TMPO: variants seen among roughly 807,000 people sequenced by gnomAD.
TMPO encodes LEM domain containing 4.
Under a neutral mutation model 45.4 loss-of-function variants are expected in TMPO, and 22 were observed. The observed-to-expected ratio is 0.48, with a 90% confidence interval of 0.35 to 0.69. The LOEUF is 0.69. Among genes scored for constraint, TMPO ranks in the 30% least tolerant of loss-of-function variants. The pLI is 0.01. For synonymous variants in TMPO, 241 were observed against 204.1 expected (o/e 1.18, Z -1.54); for missense variants, 512 against 548.8 (o/e 0.93, Z 0.67).
rs1433231755 is a variant in TMPO, at chr12:98,548,758, G to A, written c.*900G>A. The stretch of plus-strand genomic sequence containing the variant: ...TTTCATTTGGATTCATTATTGCATT[G>A]TCTTGTTACCAGAAACAAATTTTGC... On this transcript the variant is annotated 3_prime_UTR_variant, in exon 9 of 9. Transcript: ENST00000556029. 1 of 152,144 alleles carries A rather than the reference G, an allele frequency of 6.6e-6. No individual in the cohort carries two copies. Among genetic ancestry groups the A allele is most frequent in the Admixed American group, 6.5e-5 (1 of 15,268 alleles). The allele number at this position is 152,144 out of a possible 1,614,324, so 9.4% of individuals were successfully genotyped here.
chr12:98,529,847 C>G (rs976563532), intron 2 of TMPO, among the ~76,000 whole-genome samples: 7 of 152,186 alleles, frequency 4.6e-5, no homozygotes, highest in African/African-American at 7.2e-5. Context: ...GCATGAGTCA[C>G]TGCATCTGGT....
intron 1 of TMPO, among the ~76,000 whole-genome samples, chr12:98,521,131 G>T (rs1465851350): frequency 1.4e-4 from 8 of 57,996 alleles, no homozygotes; most frequent in African/African-American, 5.3e-4. Context: ...TTTTTGAGAC[G>T]GAGTGTCGCT....
chr12:98,544,512 T>C lies in TMPO; in HGVS notation c.854T>C (p.Ile285Thr). ...GAGAGTACTCCCATAGCTGAAACTA[T>C]AATGGCTTCAAGCAACGAATCCTTA... ...ISESTPIAET[I>T]MASSNESLVV... is the part of the protein sequence containing the mutation. The change falls in exon 6 of 9, where the codon ATA (isoleucine) becomes ACA (threonine). Residue 285 changes from isoleucine to threonine, a missense_variant. By Grantham distance (89) the Ile-to-Thr change is moderately conservative. Around this residue, in one of 3 missense-constraint regions of TMPO, gnomAD observed 209 missense variants for 235.1 expected, o/e 0.89. Coordinates refer to ENST00000556029, the MANE Select transcript of TMPO (RefSeq NM_001032283.3). 3 of 1,613,550 alleles carry C rather than the reference T, an allele frequency of 1.9e-6. No homozygotes were observed. The highest frequency in any genetic ancestry group is 2.5e-6 in the Non-Finnish European group (3 of 1,179,576).
chr12:98,538,068 G>C (rs1175726317), intron 4 of TMPO, among the ~76,000 whole-genome samples: 2 of 152,178 alleles, frequency 1.3e-5, no homozygotes, highest in Non-Finnish European at 2.9e-5. Flanking sequence ...TATTGTGGGA[G>C]AGGCGTTTCA....
intron 1 of TMPO, among the ~76,000 whole-genome samples, chr12:98,519,734 A>G (rs1461395219): frequency 4.6e-5 from 7 of 152,212 alleles, no homozygotes; most frequent in Admixed American, 3.3e-4. Context: ...TCTGTTTTAA[A>G]GTACGTTAAG....
rs11437786 is a variant in TMPO at position 98,518,470 on chromosome 12, C to CTTTTTTTTTTTTT, written c.279+2336_279+2348dup. Among the ~76,000 whole-genome samples, 53 of 83,510 alleles carry CTTTTTTTTTTTTT rather than the reference C, an allele frequency of 6.3e-4. 1 individual carries two copies. Among genetic ancestry groups the CTTTTTTTTTTTTT allele is most frequent in the Non-Finnish European group, 8.1e-4 (37 of 45,478 alleles). The allele number at this position is 83,510 out of a possible 152,430, so 54.8% of individuals were successfully genotyped here. On this transcript the variant is annotated intron_variant, in intron 1 of 8. Transcript: ENST00000556029. ...CGCTACACCCGGCTAATTTTCTAAT[C>CTTTTTTTTTTTTT]TTTTTTTTTTTTTTTTTTTTTTTTG...
chr12:98,520,020 C>T (rs1876213331), intron 1 of TMPO, among the ~76,000 whole-genome samples: 2 of 151,546 alleles, frequency 1.3e-5, no homozygotes, highest in South Asian at 4.2e-4. Context: ...AGTGCAGTGG[C>T]GTGATGTCAG....
At chr12:98,525,931 T>C (rs1462505688) in intron 1 of TMPO, among the ~76,000 whole-genome samples, 1 of 152,184 alleles carries the variant, frequency 6.6e-6, no homozygotes, top group African/African-American at 2.4e-5. Context: ...GATGTTGCCA[T>C]TGTTTAATTA....
rs1164412331 is a variant in TMPO at position 98,549,480 on chromosome 12, A to T, written c.*1622A>T. 1 of 150,960 alleles carries T rather than the reference A, an allele frequency of 6.6e-6. No homozygotes were observed. Among genetic ancestry groups the T allele is most frequent in the Non-Finnish European group, 1.5e-5 (1 of 67,738 alleles). 9.4% of individuals were successfully genotyped at this position (150,960 alleles called of 1,614,324 possible). Reference sequence around the variant, plus strand: ...CCCGGCCGGCATTATGATTTTGTGTACTCTTGAAATGGTTATCTTTGTGGA... The same window carrying T: ...CCCGGCCGGCATTATGATTTTGTGTTCTCTTGAAATGGTTATCTTTGTGGA... On this transcript the variant is annotated 3_prime_UTR_variant, in exon 9 of 9. Coordinates refer to ENST00000556029, the MANE Select transcript of TMPO (RefSeq NM_001032283.3).
rs190672044 is a variant in TMPO, at chr12:98,539,812, G to A, written c.663+2240G>A. 2.1e-4 allele frequency among the ~76,000 whole-genome samples: 32 copies of A among 152,102 alleles called. 1 individual carries two copies. Among genetic ancestry groups the A allele is most frequent in the African/African-American group, 6.7e-4 (28 of 41,502 alleles). On this transcript the variant is annotated intron_variant, in intron 4 of 8. Transcript: ENST00000556029. ...GATTTTTTTTATTTTGCTTTTTCCTGGAGTATATTAAAGCAGTCTTTGACA... is the reference window on the plus strand; with the variant it reads ...GATTTTTTTTATTTTGCTTTTTCCTAGAGTATATTAAAGCAGTCTTTGACA...
At position 98,533,003 on chromosome 12, in the gene TMPO, G is replaced by T; in HGVS notation, c.565+1165G>T. The T allele has an allele frequency of 1.2e-6, 2 of 1,614,024 alleles. No individual in the cohort carries two copies. The highest frequency in any genetic ancestry group is 2.2e-5 in the South Asian group (2 of 91,084). Reference sequence around the variant, plus strand: ...GCTAAGAAAGTACATACTTCTAAGGGAGACCTACCTAGGGAGCCTCTTGTT... The same window carrying T: ...GCTAAGAAAGTACATACTTCTAAGGTAGACCTACCTAGGGAGCCTCTTGTT... On this transcript the variant is annotated intron_variant, in intron 3 of 8. Coordinates refer to ENST00000556029, the MANE Select transcript of TMPO (RefSeq NM_001032283.3).
chr12:98,543,029 C>T (rs1176779965), intron 4 of TMPO, among the ~76,000 whole-genome samples: 9 of 151,994 alleles, frequency 5.9e-5, no homozygotes, highest in Admixed American at 5.9e-4. Flanking sequence ...ATATCAATTC[C>T]AAATATAGAT....
rs144035513 is a variant in TMPO, at chr12:98,535,765, T to C, written c.566-1710T>C. On this transcript the variant is annotated intron_variant, in intron 3 of 8. Transcript: ENST00000556029. The stretch of plus-strand genomic sequence containing the variant: ...TCACTTTGACATTTCAGTGGTATAA[T>C]TGAAAATATTCTGATTATGGTATGG... The C allele has an allele frequency of 2.7e-4, 172 of 640,096 alleles. No homozygotes were observed. In the African/African-American group the frequency reaches 3.3e-3, roughly 12 times the overall value. The allele number at this position is 640,096 out of a possible 1,614,324, so 39.7% of individuals were successfully genotyped here. A position where few individuals can be genotyped will look rare whatever the true frequency, so the allele number is the denominator to read the frequency against.
At chr12:98,542,851 C>G (rs1365092330) in intron 4 of TMPO, among the ~76,000 whole-genome samples, 1 of 148,716 alleles carries the variant, frequency 6.7e-6, no homozygotes, top group East Asian at 1.9e-4. Context: ...GAGCGAGATT[C>G]TGTCTCAAAA....
intron 4 of TMPO, 42 bp from the exon 5 acceptor site, chr12:98,544,188 G>C: frequency 6.2e-7 from 1 of 1,609,456 alleles, no homozygotes; most frequent in Non-Finnish European, 8.5e-7. Flanking sequence ...TAAAGTATTT[G>C]ATGTTAGAAT....
chr12:98,539,237 G>A (rs1337367780), intron 4 of TMPO, among the ~76,000 whole-genome samples: 3 of 147,370 alleles, frequency 2.0e-5, no homozygotes, highest in Non-Finnish European at 4.5e-5. Context: ...AATAAAGATG[G>A]TCTAAGGGAT....
rs775275491 is a variant in TMPO, at chr12:98,537,582, G to T, written c.663+10G>T. On this transcript the variant is annotated intron_variant, in intron 4 of 8. Transcript: ENST00000556029. Reference sequence around the variant, plus strand: ...AGTTGAGCACAATCAGGTATCTTTAGTTTTATTACCACCGTGTACAGGTAT... The same window carrying T: ...AGTTGAGCACAATCAGGTATCTTTATTTTTATTACCACCGTGTACAGGTAT... 5 of 1,599,946 alleles carry T rather than the reference G, an allele frequency of 3.1e-6. No individual in the cohort carries two copies. Among genetic ancestry groups the T allele is most frequent in the Non-Finnish European group, 4.3e-6 (5 of 1,168,868 alleles).
At chr12:98,539,829 T>A (rs1334229317) in intron 4 of TMPO, among the ~76,000 whole-genome samples, 1 of 152,214 alleles carries the variant, frequency 6.6e-6, no homozygotes, top group Non-Finnish European at 1.5e-5. Flanking sequence ...ATTAAAGCAG[T>A]CTTTGACATA....
chr12:98,533,166 G>A (rs369208265), intron 3 of TMPO: 1 of 1,614,018 alleles, frequency 6.2e-7, no homozygotes, highest in African/African-American at 1.3e-5. Context: ...ACAGTGCCAT[G>A]TTGGTCTCTA....
Sources: gnomAD v4.1 joint callset for allele counts (sites outside exome capture counted in the v4.1 genomes callset) on GRCh38, gnomAD v4.1.1 for gene constraint, gnomAD v4.1.1 regional missense constraint, MANE v1.5 for transcripts, NCBI Gene and HGNC (gene_info 2026-07-23, HGNC 2026-07-21) for gene names.